ATP8B3: variants seen among roughly 807,000 people sequenced by gnomAD.
The protein encoded by ATP8B3 is ATPase phospholipid transporting 8B3.
In ATP8B3, 141 loss-of-function variants were observed where a neutral mutation model predicts 140.9. That is an observed-to-expected ratio of 1.00 (90% CI 0.87 to 1.15). The LOEUF is 1.15. ATP8B3 is among the 50% of genes most tolerant of loss of function. The pLI, the probability that ATP8B3 is intolerant of heterozygous loss-of-function variation, is 0.00. For missense variants in ATP8B3, 1,874 were observed against 1,740.6 expected (o/e 1.08, Z -1.36); for synonymous variants, 765 against 714.6 (o/e 1.07, Z -1.13).
chr19:1,812,019 C>T, intron 1 of ATP8B3, 135 bp from the exon 2 acceptor site: 1 of 446,394 alleles, frequency 2.2e-6, no homozygotes. Context: ...GACAGGGCTC[C>T]AGAGTCCAGG....
At chr19:1,793,252 G>A (rs556296385) in intron 18 of ATP8B3, among the ~76,000 whole-genome samples, 8 of 139,326 alleles carry the variant, frequency 5.7e-5, no homozygotes, top group South Asian at 4.6e-4. Context: ...CATCACACCC[G>A]GCTAATTTCT....
rs752929010 is a variant in ATP8B3 at position 1,805,865 on chromosome 19, C to T, written c.821+23G>A. On this transcript the variant is annotated intron_variant, in intron 9 of 28. Coordinates refer to ENST00000310127, the MANE Select transcript of ATP8B3 (RefSeq NM_138813.4). The surrounding 1 kb of genome is among the most constrained non-coding windows in gnomAD (Gnocchi z 5.2). ...CCATGCTCCCCACCCCCCAGGGTCC[C>T]CAGCGATGCCACAGCTCCTCACCCG... The T allele has an allele frequency of 1.6e-5, 25 of 1,612,552 alleles. No individual in the cohort carries two copies. Among genetic ancestry groups the T allele is most frequent in the Non-Finnish European group, 1.8e-5 (21 of 1,179,746 alleles).
intron 10 of ATP8B3, 128 bp from the exon 11 acceptor site, chr19:1,802,773 T>A: frequency 8.6e-7 from 1 of 1,163,796 alleles, no homozygotes. Flanking sequence ...ACTTGCCCTA[T>A]GGTGCCCCAG....
intron 11 of ATP8B3, 72 bp downstream of exon 11, chr19:1,802,415 A>ACC: frequency 4.8e-6 from 1 of 206,838 alleles, no homozygotes; most frequent in Non-Finnish European, 9.4e-6. Context: ...CTACCCACCC[A>ACC]CCCATCCCCA....
intron 10 of ATP8B3, among the ~76,000 whole-genome samples, chr19:1,803,051 G>A (rs1297132521): frequency 6.6e-6 from 1 of 152,182 alleles, no homozygotes; most frequent in Admixed American, 6.5e-5. Flanking sequence ...ACCAGCACCT[G>A]CATGCAGTAG....
At chr19:1,811,953 A>C (rs1600494750) in intron 1 of ATP8B3, 69 bp from the exon 2 acceptor site, 1 of 580,480 alleles carries the variant, frequency 1.7e-6, no homozygotes, top group East Asian at 3.0e-5. Flanking sequence ...ATGCCCCATT[A>C]CTCGGAAGCC....
In ATP8B3 at chr19:1,786,740, C is replaced by G. The variant is rs914311708; in HGVS notation, c.3153+363G>C. Among the ~76,000 whole-genome samples, 4 of 151,536 alleles carry G rather than the reference C, an allele frequency of 2.6e-5. No homozygotes were observed. In the East Asian group the frequency reaches 7.8e-4, roughly 30 times the overall value. On this transcript the variant is annotated intron_variant, in intron 25 of 28. Transcript: ENST00000310127. ...CATCTGGAACGTTCCATGTGACCCA[C>G]CCTCCCAACCCCAGATCACGTAGCC...
rs377761334 is a variant in ATP8B3 at position 1,796,919 on chromosome 19, G to C, written c.1585-40C>G. 128 of 1,610,974 alleles carry C rather than the reference G, an allele frequency of 7.9e-5. 1 individual carries two copies. The highest frequency in any genetic ancestry group is 2.8e-4 in the Admixed American group (17 of 59,872). Reference sequence around the variant, plus strand: ...GGCACGGGCCGGCTGTGGGTGGGCCGCTCCCCGTGCCCCGTCCCCCTCACC... The same window carrying C: ...GGCACGGGCCGGCTGTGGGTGGGCCCCTCCCCGTGCCCCGTCCCCCTCACC... On this transcript the variant is annotated intron_variant, in intron 15 of 28. Coordinates refer to ENST00000310127, the MANE Select transcript of ATP8B3 (RefSeq NM_138813.4).
chr19:1,787,825 C>T (rs991565053), intron 24 of ATP8B3, among the ~76,000 whole-genome samples: 10 of 149,162 alleles, frequency 6.7e-5, no homozygotes, highest in Non-Finnish European at 1.5e-4. Context: ...GGGCAGATCA[C>T]GAGGTCAGGA....
At chr19:1,790,872 C>G (rs183040287) in intron 20 of ATP8B3, 40 bp from the exon 21 acceptor site, 72 of 1,549,090 alleles carry the variant, frequency 4.6e-5, no homozygotes, top group East Asian at 7.2e-5. Flanking sequence ...CGACCCGCCC[C>G]GCACTGGCTG....
Position 1,784,894 on chromosome 19 carries a change from C to T in ATP8B3, c.3585G>A (p.Leu1195=). ...SSPSILLVVL[L]SVSINTFPVL... ...CAGGGAAGGTGTTTATGGACACACT[C>T]AGCAGGACCACCAGCAGGATGGAGG... Residue 1195 remains leucine, a synonymous_variant, in exon 28 of 29, where the codon CTG becomes CTA. Transcript: ENST00000310127. The T allele has an allele frequency of 2.5e-6, 4 of 1,613,280 alleles. No individual in the cohort carries two copies. The highest frequency in any genetic ancestry group is 3.4e-6 in the Non-Finnish European group (4 of 1,179,716).
chr19:1,786,438 C>G (rs145485734), intron 25 of ATP8B3, among the ~76,000 whole-genome samples: 1 of 151,810 alleles, frequency 6.6e-6, no homozygotes, highest in Admixed American at 6.6e-5. Context: ...TGGTGGTGCA[C>G]GCCTGTAATC....
chr19:1,790,108 C>A, intron 21 of ATP8B3, 119 bp from the exon 22 acceptor site: 1 of 694,900 alleles, frequency 1.4e-6, no homozygotes, highest in South Asian at 1.7e-5. Flanking sequence ...TGCCCCTTCT[C>A]CTCCCCACTT....
chr19:1,788,733 T>C (rs1326151334), intron 24 of ATP8B3, among the ~76,000 whole-genome samples, 164 bp downstream of exon 24: 1 of 152,170 alleles, frequency 6.6e-6, no homozygotes, highest in Non-Finnish European at 1.5e-5. Context: ...TCACCTGGAC[T>C]CTAGGCCTCC....
chr19:1,795,082 C>A (rs1226459578), intron 18 of ATP8B3, among the ~76,000 whole-genome samples: 2 of 151,482 alleles, frequency 1.3e-5, no homozygotes, highest in Non-Finnish European at 1.5e-5. Context: ...ATGGTGAAAC[C>A]CCATCTCTAC....
chr19:1,796,855 A>G lies in ATP8B3; in HGVS notation c.1609T>C (p.Phe537Leu). The G allele has an allele frequency of 6.2e-7, 1 of 1,612,276 alleles. No homozygotes were observed. Among genetic ancestry groups the G allele is most frequent in the Non-Finnish European group, 8.5e-7 (1 of 1,179,462 alleles). Reference protein sequence around the residue: ...PKENPYLWNKFADGKLLFHNA... With the variant: ...PKENPYLWNKLADGKLLFHNA... ...TGGAAGAGCAGCTTCCCGTCGGCGA[A>G]CTTGTTCCAGAGGTAGGGGTTCTCC... Residue 537 changes from phenylalanine to leucine, a missense_variant, in exon 16 of 29, where the codon TTC becomes CTC. This residue lies in a region of ATP8B3 where 1,032 missense variants were observed against 963.6 expected (regional missense o/e 1.07). Coordinates refer to ENST00000310127, the MANE Select transcript of ATP8B3 (RefSeq NM_138813.4).
chr19:1,793,503 C>A (rs969576828), intron 18 of ATP8B3, among the ~76,000 whole-genome samples: 3 of 152,210 alleles, frequency 2.0e-5, no homozygotes, highest in African/African-American at 4.8e-5. Flanking sequence ...CTCCCTCTGA[C>A]CCCTCAACTT....
chr19:1,791,127 T>C (rs559360850), intron 20 of ATP8B3, among the ~76,000 whole-genome samples: 38 of 152,288 alleles, frequency 2.5e-4, no homozygotes, highest in African/African-American at 9.1e-4. Context: ...ACCCACAAAA[T>C]GTCTCAATAT....
Position 1,800,432 on chromosome 19 carries a change from C to T in ATP8B3, c.1170G>A (p.Val390=). 6.2e-7 allele frequency: 1 copy of T among 1,611,658 alleles called. No homozygotes were observed. Among genetic ancestry groups the T allele is most frequent in the Middle Eastern group, 1.7e-4 (1 of 6,060 alleles). ...CGAAGGCCAACACCAGGCAGACAAGCACCACGGAGATGAAGATCTGGAAGG... is the reference window on the plus strand; with the variant it reads ...CGAAGGCCAACACCAGGCAGACAAGTACCACGGAGATGAAGATCTGGAAGG... ...KLVVVIFISV[V]LVCLVLAFGF... is the part of the protein sequence containing the mutation. The change falls in exon 13 of 29, where the codon GTG becomes GTA. Residue 390 remains valine, a synonymous_variant. Coordinates refer to ENST00000310127, the MANE Select transcript of ATP8B3 (RefSeq NM_138813.4). This position sits in a 1 kb window ranked among gnomAD's most constrained non-coding sequence, Gnocchi z 4.4.
Sources: gnomAD v4.1 joint callset for allele counts (sites outside exome capture counted in the v4.1 genomes callset) on GRCh38, gnomAD v4.1.1 for gene constraint, gnomAD v4.1.1 regional missense constraint, Gnocchi (gnomAD v3.1) non-coding constraint, MANE v1.5 for transcripts, NCBI Gene and HGNC (gene_info 2026-07-23, HGNC 2026-07-21) for gene names.